Variants in LRTM1 observed in about 807,000 individuals in gnomAD.
The protein encoded by LRTM1 is leucine-rich repeat and transmembrane domain-containing protein 1.
Under a neutral mutation model 32.4 loss-of-function variants are expected in LRTM1, and 38 were observed. The observed-to-expected ratio is 1.17, with a 90% CI of 0.91 to 1.54. The LOEUF is 1.54. Ranked by LOEUF, LRTM1 falls within the 40% of genes most tolerant of loss-of-function variation. The pLI is 0.00. For missense variants in LRTM1, 466 were observed against 415.4 expected (o/e 1.12, Z -1.06); for synonymous variants, 186 against 169.9 (o/e 1.09, Z -0.74).
intron 1 of LRTM1, 26 bp downstream of exon 1, chr3:54,927,879 T>G (rs767206146): frequency 6.2e-7 from 1 of 1,613,474 alleles, no homozygotes. Context: ...CAAGAACTTT[T>G]CCAACGGGAA....
intron 1 of LRTM1, among the ~76,000 whole-genome samples, chr3:54,953,518 C>T (rs1336798886): frequency 6.6e-6 from 1 of 152,138 alleles, no homozygotes; most frequent in Non-Finnish European, 1.5e-5. Flanking sequence ...CCATGCTGTG[C>T]GTAGAGGAAA....
upstream of LRTM1, among the ~76,000 whole-genome samples, chr3:54,932,765 T>C (rs571913603): frequency 3.9e-5 from 6 of 152,326 alleles, no homozygotes; most frequent in African/African-American, 1.2e-4. Context: ...CCTCCATCCC[T>C]GTCAACAGGC....
intron 1 of LRTM1, among the ~76,000 whole-genome samples, chr3:54,933,513 C>A (rs1701258306): frequency 6.6e-6 from 1 of 152,126 alleles, no homozygotes. Flanking sequence ...AATCACATGA[C>A]CATGTCTAAC....
intron 1 of LRTM1, among the ~76,000 whole-genome samples, chr3:54,926,526 ACACACAC>A (rs1701025491): frequency 1.3e-5 from 2 of 149,542 alleles, no homozygotes; most frequent in Non-Finnish European, 3.0e-5. Context: ...ACACACACAC[ACACACAC>A]ACACACACAC....
chr3:54,944,553 T>G (rs942885198), intron 1 of LRTM1, among the ~76,000 whole-genome samples: 2 of 152,108 alleles, frequency 1.3e-5, no homozygotes, highest in Non-Finnish European at 2.9e-5. Context: ...CCTGAGTAGC[T>G]GGGACTACAG....
chr3:54,932,546 G>A (rs972919239), upstream of LRTM1, among the ~76,000 whole-genome samples: 12 of 152,306 alleles, frequency 7.9e-5, no homozygotes, highest in East Asian at 9.7e-4. Context: ...GAATATTTGA[G>A]ATGTCTTATC....
intron 2 of LRTM1, among the ~76,000 whole-genome samples, chr3:54,921,032 C>T (rs1193950369): frequency 4.6e-5 from 7 of 152,140 alleles, no homozygotes; most frequent in Non-Finnish European, 7.3e-5. Context: ...GGATGCAACT[C>T]CCACTCTCCA....
At chr3:54,919,618 C>T (rs946916165) in intron 2 of LRTM1, among the ~76,000 whole-genome samples, 6 of 152,206 alleles carry the variant, frequency 3.9e-5, no homozygotes, top group East Asian at 1.9e-4. Context: ...TTTGGGTGGT[C>T]GGTCATTCTT....
intron 1 of LRTM1, among the ~76,000 whole-genome samples, chr3:54,949,822 T>C (rs1402368851): frequency 6.6e-6 from 1 of 152,198 alleles, no homozygotes; most frequent in Non-Finnish European, 1.5e-5. Flanking sequence ...TGTGATTCTT[T>C]CTGAAAACTG....
intron 1 of LRTM1, among the ~76,000 whole-genome samples, chr3:54,925,755 G>A (rs1559632474): frequency 6.6e-6 from 1 of 152,164 alleles, no homozygotes; most frequent in Non-Finnish European, 1.5e-5. Flanking sequence ...TGCAACCAAG[G>A]AACTGAATTT....
upstream of LRTM1, among the ~76,000 whole-genome samples, chr3:54,932,593 C>T (rs969275475): frequency 1.3e-5 from 2 of 152,238 alleles, no homozygotes; most frequent in African/African-American, 4.8e-5. Context: ...GTAAATATAG[C>T]ATGCCTAGAG....
intron 1 of LRTM1, among the ~76,000 whole-genome samples, chr3:54,941,231 T>TA (rs1701458876): frequency 6.6e-6 from 1 of 152,006 alleles, no homozygotes; most frequent in Admixed American, 6.6e-5. Context: ...GTCCAAAAAG[T>TA]AAAAAAACAG....
In LRTM1 at chr3:54,936,862, A is replaced by G. The variant is rs534339318; in HGVS notation, c.-221-11647T>C. Among the ~76,000 whole-genome samples the G allele has an allele frequency of 9.2e-5, 14 of 152,278 alleles. No individual in the cohort carries two copies. In the South Asian group the frequency reaches 1.9e-3, roughly 20 times the overall value. On this transcript the variant is annotated intron_variant, in intron 1 of 2. Coordinates refer to the LRTM1 transcript ENST00000493075. ...AAGCAAGCTCCTTCATGTGTTGTCAACATTTCATTTGTGATTCTAATGAGG... is the reference window on the plus strand; with the variant it reads ...AAGCAAGCTCCTTCATGTGTTGTCAGCATTTCATTTGTGATTCTAATGAGG...
At chr3:54,934,572 C>T (rs1173218931) in intron 1 of LRTM1, among the ~76,000 whole-genome samples, 2 of 152,160 alleles carry the variant, frequency 1.3e-5, no homozygotes, top group African/African-American at 2.4e-5. Context: ...ATGCCTCCAG[C>T]CTCCCTAAAG....
intron 1 of LRTM1, among the ~76,000 whole-genome samples, chr3:54,957,412 G>A (rs1004580583): frequency 6.6e-6 from 1 of 152,124 alleles, no homozygotes; most frequent in Non-Finnish European, 1.5e-5. Flanking sequence ...GCCTCCTAAA[G>A]TGCTGGGATT....
At chr3:54,943,144 G>A (rs1339094854) in intron 1 of LRTM1, among the ~76,000 whole-genome samples, 1 of 151,816 alleles carries the variant, frequency 6.6e-6, no homozygotes, top group Non-Finnish European at 1.5e-5. Flanking sequence ...CGAGGCTACA[G>A]TGGACTATGA....
At chr3:54,963,209 G>A (rs1559646827) in intron 1 of LRTM1, among the ~76,000 whole-genome samples, 1 of 152,116 alleles carries the variant, frequency 6.6e-6, no homozygotes, top group Non-Finnish European at 1.5e-5. Flanking sequence ...GTTGTCTCAC[G>A]CTGGCAGTCC....
chr3:54,945,039 G>A (rs1339191544), intron 1 of LRTM1, among the ~76,000 whole-genome samples: 1 of 152,138 alleles, frequency 6.6e-6, no homozygotes, highest in Admixed American at 6.5e-5. Context: ...TGGAGAATGG[G>A]GAAGATGACA....
chr3:54,958,993 C>T (rs1307814214), intron 1 of LRTM1, among the ~76,000 whole-genome samples: 1 of 151,902 alleles, frequency 6.6e-6, no homozygotes, highest in Non-Finnish European at 1.5e-5. Flanking sequence ...CCTAGCTACT[C>T]GGGAGACTAT....
Sources: allele counts gnomAD v4.1 joint callset (sites outside exome capture counted in the v4.1 genomes callset), GRCh38; gene constraint gnomAD v4.1.1; transcripts MANE v1.5; gene names NCBI Gene and HGNC (gene_info 2026-07-23, HGNC 2026-07-21).